Variants in NUDT9 observed in about 807,000 individuals in gnomAD.
NUDT9 encodes the protein nudix hydrolase 9, also known as ADP-ribose pyrophosphatase.
NUDT9 carries 31 observed loss-of-function variants against 41.0 expected under a neutral mutation model. That is an observed-to-expected ratio of 0.76 (90% CI 0.57 to 1.02). The LOEUF is 1.02. Among genes scored for constraint, NUDT9 ranks in the 50% least tolerant of loss-of-function variants. The pLI is 0.00. For synonymous variants in NUDT9, 146 were observed against 147.6 expected (o/e 0.99, Z 0.08); for missense variants, 380 against 431.4 (o/e 0.88, Z 1.06).
At chr4:87,435,752 C>T (rs886638439) in intron 2 of NUDT9, among the ~76,000 whole-genome samples, 2 of 152,078 alleles carry the variant, frequency 1.3e-5, no homozygotes, top group Non-Finnish European at 2.9e-5. Context: ...CATAGAAGTG[C>T]CGCATTGATT....
intron 2 of NUDT9, 109 bp from the exon 3 acceptor site, chr4:87,438,168 T>A: frequency 2.0e-6 from 1 of 504,932 alleles, no homozygotes; most frequent in Non-Finnish European, 3.5e-6. Flanking sequence ...CCCTTAAAAA[T>A]TTATTGTTTC....
chr4:87,424,891 CTG>C (rs758325504), intron 1 of NUDT9, among the ~76,000 whole-genome samples: 5 of 152,114 alleles, frequency 3.3e-5, no homozygotes, highest in Non-Finnish European at 7.4e-5. Context: ...GAACCAGAGA[CTG>C]TACTGACTTG....
intron 1 of NUDT9, among the ~76,000 whole-genome samples, chr4:87,430,486 T>TA (rs1257089645): frequency 9.8e-5 from 15 of 152,346 alleles, no homozygotes; most frequent in African/African-American, 3.4e-4. Context: ...AGTACCATAT[T>TA]ATAGGACTTT....
At chr4:87,449,417 A>G (rs1454376874) in intron 5 of NUDT9, among the ~76,000 whole-genome samples, 164 bp downstream of exon 5, 1 of 152,172 alleles carries the variant, frequency 6.6e-6, no homozygotes, top group Non-Finnish European at 1.5e-5. Context: ...ATTGTCAGCA[A>G]CAAGTTTAGG....
intron 2 of NUDT9, among the ~76,000 whole-genome samples, chr4:87,436,677 GT>G (rs951142369): frequency 2.0e-5 from 3 of 152,132 alleles, no homozygotes; most frequent in Non-Finnish European, 2.9e-5. Flanking sequence ...TAATTTCATG[GT>G]TTTTATCATT....
chr4:87,457,060 C>G (rs141310068), intron 7 of NUDT9, among the ~76,000 whole-genome samples: 4 of 151,946 alleles, frequency 2.6e-5, no homozygotes, highest in African/African-American at 4.8e-5. Flanking sequence ...TCTTCAGTGC[C>G]TAGTACAGTC....
chr4:87,450,841 CAG>C (rs1230641975), intron 5 of NUDT9, among the ~76,000 whole-genome samples: 1 of 152,156 alleles, frequency 6.6e-6, no homozygotes, highest in African/African-American at 2.4e-5. Context: ...TTCATCTAAT[CAG>C]TGTATTTTTA....
chr4:87,449,352 T>G, intron 5 of NUDT9, 99 bp downstream of exon 5: 1 of 686,704 alleles, frequency 1.5e-6, no homozygotes, highest in Non-Finnish European at 2.6e-6. Flanking sequence ...TTTTCCTCTA[T>G]TCCTTCCCAC....
rs373108108 is a variant in NUDT9, at chr4:87,438,330, A to C, written c.401A>C (p.Lys134Thr). The change falls in exon 3 of 8, where the codon AAG becomes ACG. Residue 134 changes from lysine (K) to threonine (T), a missense_variant. Transcript: ENST00000302174. ...FNEKDGHVER[K>T]SKNGLYEIEN... is the part of the protein sequence containing the mutation. ...GAAAAGGATGGGCATGTTGAGAGAAAGAGCAAGAATGGCCTGTATGAGATT... is the reference window on the plus strand; with the variant it reads ...GAAAAGGATGGGCATGTTGAGAGAACGAGCAAGAATGGCCTGTATGAGATT... 6.2e-6 allele frequency: 10 copies of C among 1,612,104 alleles called. No individual in the cohort carries two copies. Among genetic ancestry groups the C allele is most frequent in the Middle Eastern group, 3.3e-4 (2 of 6,050 alleles).
In NUDT9 at chr4:87,441,876, G is replaced by A. The variant is rs1160629493; in HGVS notation, c.491G>A (p.Arg164Gln). Reference sequence around the variant, plus strand: ...CTGGTGGGCCGGGGGCTTTTGGGGCGATGGGGCCCAAATCACGCTGCAGAT... The same window carrying A: ...CTGGTGGGCCGGGGGCTTTTGGGGCAATGGGGCCCAAATCACGCTGCAGAT... ...TGLVGRGLLGRWGPNHAADPI... is the reference protein window; with the variant it reads ...TGLVGRGLLGQWGPNHAADPI... The change falls in exon 4 of 8, where the codon CGA becomes CAA. Residue 164 changes from arginine (R) to glutamine (Q), a missense_variant. Coordinates refer to ENST00000302174, the MANE Select transcript of NUDT9 (RefSeq NM_024047.5). 6 of 1,613,282 alleles carry A rather than the reference G, an allele frequency of 3.7e-6. No homozygotes were observed. Among genetic ancestry groups the A allele is most frequent in the South Asian group, 1.1e-5 (1 of 90,918 alleles).
intron 1 of NUDT9, among the ~76,000 whole-genome samples, chr4:87,426,512 C>T (rs529244147): frequency 1.5e-4 from 23 of 151,662 alleles, no homozygotes; most frequent in Non-Finnish European, 1.9e-4. Flanking sequence ...AGGGTTCAAG[C>T]GATTCTCCTG....
intron 1 of NUDT9, among the ~76,000 whole-genome samples, chr4:87,425,993 T>G (rs1306591592): frequency 6.6e-6 from 1 of 151,950 alleles, no homozygotes; most frequent in Non-Finnish European, 1.5e-5. Context: ...TATTTATTGT[T>G]TGTAGAGATG....
chr4:87,433,755 A>G (rs1721786999), intron 1 of NUDT9, among the ~76,000 whole-genome samples: 1 of 152,150 alleles, frequency 6.6e-6, no homozygotes, highest in Admixed American at 6.6e-5. Context: ...ATTTTTGTAT[A>G]TGCTGTGTGG....
intron 4 of NUDT9, among the ~76,000 whole-genome samples, chr4:87,448,578 T>G (rs1386209612): frequency 1.3e-5 from 2 of 152,078 alleles, no homozygotes; most frequent in Non-Finnish European, 2.9e-5. Flanking sequence ...AACTCCTGGG[T>G]ACAGTGACCC....
At chr4:87,433,455 A>G (rs1027396277) in intron 1 of NUDT9, among the ~76,000 whole-genome samples, 1 of 152,194 alleles carries the variant, frequency 6.6e-6, no homozygotes, top group Non-Finnish European at 1.5e-5. Context: ...TTTGGGAGAA[A>G]TACCTCAAAT....
chr4:87,427,408 A>G (rs961051137), intron 1 of NUDT9, among the ~76,000 whole-genome samples: 1 of 152,234 alleles, frequency 6.6e-6, no homozygotes, highest in Admixed American at 6.5e-5. Flanking sequence ...CACTTGTTCA[A>G]TAATACAATA....
rs1371563464 is a variant in NUDT9 at position 87,459,173 on chromosome 4, T to G, written c.*1152T>G. 2.0e-5 allele frequency: 3 copies of G among 152,206 alleles called. No individual in the cohort carries two copies. The highest frequency in any genetic ancestry group is 7.2e-5 in the African/African-American group (3 of 41,456). The allele number at this position is 152,206 out of a possible 1,614,324, so 9.4% of individuals were successfully genotyped here. A position where few individuals can be genotyped will look rare whatever the true frequency, so the allele number is the denominator to read the frequency against. The stretch of plus-strand genomic sequence containing the variant: ...GGGTGGAGCTGGAGGCCATTATCCT[T>G]AGCAAACTAATGCAAGAACAGAAAA... On this transcript the variant is annotated 3_prime_UTR_variant, in exon 8 of 8. Transcript: ENST00000302174.
At chr4:87,450,587 C>T (rs749009776) in intron 5 of NUDT9, among the ~76,000 whole-genome samples, 6 of 151,776 alleles carry the variant, frequency 4.0e-5, no homozygotes, top group Admixed American at 2.0e-4. Flanking sequence ...CCATCTTGGC[C>T]AGGCTGGTCT....
intron 1 of NUDT9, among the ~76,000 whole-genome samples, chr4:87,427,414 C>G (rs1721481335): frequency 6.6e-6 from 1 of 152,178 alleles, no homozygotes; most frequent in Non-Finnish European, 1.5e-5. Context: ...TTCAATAATA[C>G]AATACAAAGG....
Sources: allele counts gnomAD v4.1 joint callset (sites outside exome capture counted in the v4.1 genomes callset), GRCh38; gene constraint gnomAD v4.1.1; transcripts MANE v1.5; gene names NCBI Gene and HGNC (gene_info 2026-07-23, HGNC 2026-07-21).